The following FAF1 variants were observed in gnomAD, a reference collection of about 807,000 sequenced individuals.
FAF1 encodes the protein Fas associated factor 1.
Under a neutral mutation model 92.5 loss-of-function variants are expected in FAF1, and 25 were observed. That is an observed-to-expected ratio of 0.27 (90% CI 0.20 to 0.38). The LOEUF (loss-of-function observed/expected upper bound fraction) is 0.38. Ranked by LOEUF, FAF1 falls within the 10% of genes least tolerant of loss-of-function variation. The pLI, the probability that FAF1 is intolerant of heterozygous loss-of-function variation, is 1.00. For synonymous variants in FAF1, 234 were observed against 273.2 expected (o/e 0.86, Z 1.42); for missense variants, 636 against 793.3 (o/e 0.80, Z 2.38).
At chr1:50,942,307 C>A (rs1392042431) in intron 1 of FAF1, among the ~76,000 whole-genome samples, 1 of 152,094 alleles carries the variant, frequency 6.6e-6, no homozygotes, top group African/African-American at 2.4e-5. Context: ...TTGAGACCAG[C>A]CTGGGCAACA....
At chr1:50,861,782 G>C (rs940447965) in intron 1 of FAF1, among the ~76,000 whole-genome samples, 41 of 151,698 alleles carry the variant, frequency 2.7e-4, no homozygotes, top group Admixed American at 1.9e-3. Context: ...TGAAAGACTA[G>C]AAAGGAAAAC....
At chr1:50,751,717 T>C (rs1322924776) in intron 4 of FAF1, among the ~76,000 whole-genome samples, 1 of 152,232 alleles carries the variant, frequency 6.6e-6, no homozygotes, top group East Asian at 1.9e-4. Context: ...TACATTTTAT[T>C]ATATTTTACT....
At chr1:50,890,886 C>T (rs1174595864) in intron 1 of FAF1, among the ~76,000 whole-genome samples, 3 of 152,156 alleles carry the variant, frequency 2.0e-5, no homozygotes, top group African/African-American at 7.2e-5. Flanking sequence ...CTCTGTATTT[C>T]CTGAATTTGA....
At chr1:50,924,442 C>G (rs957554795) in intron 1 of FAF1, among the ~76,000 whole-genome samples, 17 of 152,260 alleles carry the variant, frequency 1.1e-4, no homozygotes, top group African/African-American at 3.6e-4. Flanking sequence ...GCATCCCATA[C>G]TCATTGATTA....
At chr1:50,546,964 C>T (rs1300642884) in intron 13 of FAF1, among the ~76,000 whole-genome samples, 1 of 152,170 alleles carries the variant, frequency 6.6e-6, no homozygotes, top group African/African-American at 2.4e-5. Flanking sequence ...TATTGGCTCA[C>T]TGCAACCTCC....
chr1:50,892,035 A>T (rs2124701247), intron 1 of FAF1, among the ~76,000 whole-genome samples: 1 of 152,184 alleles, frequency 6.6e-6, no homozygotes, highest in African/African-American at 2.4e-5. Context: ...CACTTTGTTT[A>T]CCTACTCAAG....
intron 1 of FAF1, among the ~76,000 whole-genome samples, chr1:50,882,055 CA>C (rs1430598546): frequency 6.6e-6 from 1 of 152,104 alleles, no homozygotes; most frequent in African/African-American, 2.4e-5. Context: ...AAACAGTAAG[CA>C]TCTAAAATGT....
intron 1 of FAF1, among the ~76,000 whole-genome samples, chr1:50,906,826 C>T (rs149533827): frequency 2.7e-4 from 41 of 152,304 alleles, no homozygotes; most frequent in African/African-American, 8.4e-4. Context: ...CATCTGCAAA[C>T]AGGGACAATC....
intron 2 of FAF1, among the ~76,000 whole-genome samples, chr1:50,830,246 T>C (rs1279455729): frequency 6.6e-6 from 1 of 152,176 alleles, no homozygotes; most frequent in Non-Finnish European, 1.5e-5. Flanking sequence ...GCCTCCAGTG[T>C]AGCTGGGACT....
chr1:50,514,181 T>C (rs946859798), intron 15 of FAF1, among the ~76,000 whole-genome samples: 2 of 152,174 alleles, frequency 1.3e-5, no homozygotes, highest in Non-Finnish European at 2.9e-5. Flanking sequence ...TTCTGCAGAG[T>C]TGTCACCATT....
chr1:50,571,416 T>G (rs1333660298), intron 12 of FAF1, among the ~76,000 whole-genome samples: 4 of 152,196 alleles, frequency 2.6e-5, no homozygotes, highest in Non-Finnish European at 5.9e-5. Flanking sequence ...TGGGTTGTTG[T>G]AAGCATCGCA....
intron 18 of FAF1, among the ~76,000 whole-genome samples, chr1:50,465,342 T>G (rs1646481381): frequency 6.6e-6 from 1 of 152,220 alleles, no homozygotes; most frequent in African/African-American, 2.4e-5. Context: ...TTCAATTACA[T>G]GATACCTGTA....
chr1:50,868,692 A>G lies in FAF1; in HGVS notation c.46-10695T>C, dbSNP rs1644502530. Among the ~76,000 whole-genome samples, 4 of 152,296 alleles carry G rather than the reference A, an allele frequency of 2.6e-5. No individual in the cohort carries two copies. The South Asian group carries it at 8.3e-4, about 32-fold the overall frequency. ...GTTGTATTTGGAAGAATGTTACTTAATTCCTAAACACATGCAGTTTTCCAA... is the reference window on the plus strand; with the variant it reads ...GTTGTATTTGGAAGAATGTTACTTAGTTCCTAAACACATGCAGTTTTCCAA... On this transcript the variant is annotated intron_variant, in intron 1 of 18. Coordinates refer to ENST00000396153, the MANE Select transcript of FAF1 (RefSeq NM_007051.3).
At chr1:50,894,960 A>G (rs756954481) in intron 1 of FAF1, among the ~76,000 whole-genome samples, 6 of 152,200 alleles carry the variant, frequency 3.9e-5, no homozygotes, top group Non-Finnish European at 1.5e-5. Context: ...ACCTAAAGAT[A>G]CATCTTAAAG....
In FAF1 at chr1:50,745,048, G is replaced by A. The variant is rs1326981284; in HGVS notation, c.368-273C>T. 2.0e-5 allele frequency among the ~76,000 whole-genome samples: 3 copies of A among 152,178 alleles called. No individual in the cohort carries two copies. The East Asian group carries it at 5.8e-4, about 29-fold the overall frequency. The stretch of plus-strand genomic sequence containing the variant: ...CATGCCTGTAATCCCAGCACTTTGA[G>A]AGGCCAAGGTGGGCAGATCACCTGA... On this transcript the variant is annotated intron_variant, in intron 4 of 18. Coordinates refer to ENST00000396153, the MANE Select transcript of FAF1 (RefSeq NM_007051.3).
chr1:50,610,199 T>C (rs1462093921), intron 8 of FAF1, among the ~76,000 whole-genome samples: 1 of 152,230 alleles, frequency 6.6e-6, no homozygotes, highest in Admixed American at 6.5e-5. Context: ...CATTCAAATA[T>C]ATGTATTACC....
chr1:50,760,251 C>A (rs1008100841), intron 4 of FAF1, among the ~76,000 whole-genome samples: 1 of 152,096 alleles, frequency 6.6e-6, no homozygotes, highest in Non-Finnish European at 1.5e-5. Context: ...GACTTTAACA[C>A]CCCACTGTCA....
intron 1 of FAF1, among the ~76,000 whole-genome samples, chr1:50,895,340 C>T (rs1644750013): frequency 6.6e-6 from 1 of 152,046 alleles, no homozygotes; most frequent in South Asian, 2.1e-4. Flanking sequence ...GTGAATAGAC[C>T]AGTAACAAGT....
At chr1:50,816,933 C>T (rs1034253977) in intron 2 of FAF1, among the ~76,000 whole-genome samples, 1 of 152,050 alleles carries the variant, frequency 6.6e-6, no homozygotes, top group Admixed American at 6.6e-5. Flanking sequence ...CATTTATTGA[C>T]TAAGGAGTCC....
Sources: gnomAD v4.1 joint callset for allele counts (sites outside exome capture counted in the v4.1 genomes callset) on GRCh38, gnomAD v4.1.1 for gene constraint, MANE v1.5 for transcripts, NCBI Gene and HGNC (gene_info 2026-07-23, HGNC 2026-07-21) for gene names.